Variants in ZMYND11 observed in about 807,000 individuals in gnomAD.
The protein encoded by ZMYND11 is zinc finger MYND-type containing 11.
In ZMYND11, 9 loss-of-function variants were observed where a neutral mutation model predicts 84.9. The ratio of observed to expected loss-of-function variants is 0.11; its 90% CI spans 0.06 to 0.18. The LOEUF (loss-of-function observed/expected upper bound fraction) is 0.18, where lower values mean the gene tolerates loss of function less well. ZMYND11 is among the 10% of genes least tolerant of loss of function. The pLI, the probability that ZMYND11 is intolerant of heterozygous loss-of-function variation, is 1.00. For missense variants in ZMYND11, 409 were observed against 761.0 expected (o/e 0.54, Z 5.44); for synonymous variants, 250 against 244.1 (o/e 1.02, Z -0.23).
intron 2 of ZMYND11, among the ~76,000 whole-genome samples, chr10:189,494 T>A (rs549315358): frequency 1.8e-4 from 27 of 152,358 alleles, no homozygotes; most frequent in Admixed American, 1.8e-3. Context: ...GAATTGCCTG[T>A]TGTATTCTCA....
intron 1 of ZMYND11, among the ~76,000 whole-genome samples, chr10:141,177 AATTTGTTTC>A (rs1554753889): frequency 1.3e-5 from 2 of 152,196 alleles, no homozygotes; most frequent in Admixed American, 1.3e-4. Context: ...GTTACTTCAT[AATTTGTTTC>A]ATAAGATCAC....
At chr10:210,782 CTTATT>C (rs1259278236) in intron 3 of ZMYND11, among the ~76,000 whole-genome samples, 1 of 151,978 alleles carries the variant, frequency 6.6e-6, no homozygotes, top group African/African-American at 2.4e-5. Flanking sequence ...ATCTTCCTAC[CTTATT>C]TTATTTTGCT....
intron 13 of ZMYND11, 68 bp downstream of exon 13, chr10:248,676 A>G (rs1159053971): frequency 6.6e-7 from 1 of 1,514,442 alleles, no homozygotes; most frequent in Non-Finnish European, 8.8e-7. Flanking sequence ...GGCTCCTTTC[A>G]CTCATGCATC....
chr10:243,480 G>C (rs553222444), intron 10 of ZMYND11, among the ~76,000 whole-genome samples: 21 of 152,224 alleles, frequency 1.4e-4, no homozygotes, highest in African/African-American at 5.1e-4. Context: ...CTTGCAAGTA[G>C]CTTTATACTG....
chr10:175,499 G>A (rs1309300563), intron 1 of ZMYND11, among the ~76,000 whole-genome samples: 1 of 152,140 alleles, frequency 6.6e-6, no homozygotes, highest in Admixed American at 6.5e-5. Context: ...AACCTGGGAG[G>A]TGGAGGTTGC....
chr10:193,044 G>T (rs924793674), intron 2 of ZMYND11, among the ~76,000 whole-genome samples: 1 of 152,106 alleles, frequency 6.6e-6, no homozygotes, highest in African/African-American at 2.4e-5. Context: ...GTTTTGAAAT[G>T]ATTGTATTCA....
chr10:165,571 A>C (rs1446004399), intron 1 of ZMYND11, among the ~76,000 whole-genome samples: 1 of 152,104 alleles, frequency 6.6e-6, no homozygotes, highest in Non-Finnish European at 1.5e-5. Flanking sequence ...CTGCAAACTT[A>C]GTCTCCATCC....
chr10:239,309 T>A, intron 6 of ZMYND11, 129 bp from the exon 7 acceptor site: 1 of 706,088 alleles, frequency 1.4e-6, no homozygotes. Context: ...ACATTCTCTG[T>A]CAATACTGTG....
intron 4 of ZMYND11, among the ~76,000 whole-genome samples, chr10:230,579 A>G (rs1411480919): frequency 6.6e-6 from 1 of 150,972 alleles, no homozygotes; most frequent in Non-Finnish European, 1.5e-5. Flanking sequence ...TAAGTGCTGT[A>G]GGTGGCTATG....
rs181656122 is a variant in ZMYND11 at position 203,890 on chromosome 10, T to A, written c.117-5999T>A. On this transcript the variant is annotated intron_variant, in intron 2 of 14. Transcript: ENST00000381604. ...GTAGTGTCTTATACCACGATTTTTT[T>A]AAAAAAATGTAATATAGAGCTTATG... Among the ~76,000 whole-genome samples, 242 of 152,224 alleles carry A rather than the reference T, an allele frequency of 1.6e-3. 1 individual carries two copies. Among genetic ancestry groups the A allele is most frequent in the Non-Finnish European group, 2.4e-3 (164 of 67,998 alleles).
chr10:134,881 G>C (rs1409574255), upstream of ZMYND11: 1 of 151,806 alleles, frequency 6.6e-6, no homozygotes, highest in East Asian at 1.9e-4. Flanking sequence ...CCGAAGACAG[G>C]ACGTGGGGAA....
chr10:136,851 G>A (rs1271453736), intron 1 of ZMYND11, among the ~76,000 whole-genome samples: 2 of 152,008 alleles, frequency 1.3e-5, no homozygotes, highest in African/African-American at 2.4e-5. Flanking sequence ...CGCGGTTCCC[G>A]GTATTTTGTG....
chr10:235,558 G>T (rs960190547), intron 4 of ZMYND11, among the ~76,000 whole-genome samples: 26 of 152,196 alleles, frequency 1.7e-4, no homozygotes, highest in Non-Finnish European at 2.9e-5. Flanking sequence ...ACGAATCACA[G>T]GCCCTGCCAC....
chr10:247,447 G>A lies in ZMYND11; in HGVS notation c.1208G>A (p.Ser403Asn), dbSNP rs1300420918. 1 of 1,614,044 alleles carries A rather than the reference G, an allele frequency of 6.2e-7. No homozygotes were observed. Among genetic ancestry groups the A allele is most frequent in the Non-Finnish European group, 8.5e-7 (1 of 1,180,002 alleles). Reference protein sequence around the residue: ...PRAKKGRRNQSVEPKKEEPEP... With the variant: ...PRAKKGRRNQNVEPKKEEPEP... ...GCAAAGAAAGGACGACGTAATCAAA[G>A]TGTGGAGCCCAAAAAGGAAGTAAGT... The change falls in exon 12 of 15, where the codon AGT (serine) becomes AAT (asparagine). Residue 403 changes from serine (S) to asparagine (N), a missense_variant. Around this residue, in one of 7 missense-constraint regions of ZMYND11, gnomAD observed 19 missense variants for 60.5 expected, o/e 0.31. Transcript: ENST00000381604.
In ZMYND11 at chr10:135,585, G is replaced by T. The variant is rs2131018640; in HGVS notation, c.-20+26G>T. The T allele has an allele frequency of 6.7e-6, 1 of 150,170 alleles. No homozygotes were observed. The highest frequency in any genetic ancestry group is 2.0e-4 in the East Asian group (1 of 5,062). 9.3% of individuals were successfully genotyped at this position (150,170 alleles called of 1,614,324 possible). A position where few individuals can be genotyped will look rare whatever the true frequency, so the allele number is the denominator to read the frequency against. Reference sequence around the variant, plus strand: ...GTGGGGAAAGCTCGGCGGCGGGGCGGCGGGGCGGGCGGGGGCGTCCGTGGA... The same window carrying T: ...GTGGGGAAAGCTCGGCGGCGGGGCGTCGGGGCGGGCGGGGGCGTCCGTGGA... On this transcript the variant is annotated intron_variant, in intron 1 of 14. Coordinates refer to ENST00000381604, the MANE Select transcript of ZMYND11 (RefSeq NM_001370100.5). This position sits in a 1 kb window ranked among gnomAD's most constrained non-coding sequence, Gnocchi z 5.6.
intron 1 of ZMYND11, among the ~76,000 whole-genome samples, chr10:145,170 A>C (rs1838467428): frequency 6.6e-6 from 1 of 150,662 alleles, no homozygotes; most frequent in Non-Finnish European, 1.5e-5. Context: ...GTGTGTATAT[A>C]TATGTGTATA....
At chr10:163,765 G>A (rs1481331666) in intron 1 of ZMYND11, among the ~76,000 whole-genome samples, 5 of 152,000 alleles carry the variant, frequency 3.3e-5, no homozygotes, top group Admixed American at 3.3e-4. Flanking sequence ...GTGGCTGTCT[G>A]TTCACATTTA....
intron 4 of ZMYND11, among the ~76,000 whole-genome samples, chr10:229,270 C>G (rs1434782864): frequency 6.6e-6 from 1 of 152,170 alleles, no homozygotes; most frequent in African/African-American, 2.4e-5. Context: ...AACTTACTGA[C>G]TAAGGAGTGG....
chr10:130,485 A>C (rs1554749818), upstream of ZMYND11, among the ~76,000 whole-genome samples: 1 of 152,236 alleles, frequency 6.6e-6, no homozygotes, highest in Non-Finnish European at 1.5e-5. Context: ...GATAATAATA[A>C]TTGTAGCCAC....
Sources: gnomAD v4.1 joint callset for allele counts (sites outside exome capture counted in the v4.1 genomes callset) on GRCh38, gnomAD v4.1.1 for gene constraint, gnomAD v4.1.1 regional missense constraint, Gnocchi (gnomAD v3.1) non-coding constraint, MANE v1.5 for transcripts, NCBI Gene and HGNC (gene_info 2026-07-23, HGNC 2026-07-21) for gene names.